HS3ST5: variants seen among roughly 807,000 people sequenced by gnomAD.
The protein encoded by HS3ST5 is heparan sulfate-glucosamine 3-sulfotransferase 5.
A neutral mutation model predicts 25.4 loss-of-function variants in HS3ST5; 10 were observed. The ratio of observed to expected loss-of-function variants is 0.39; its 90% CI spans 0.24 to 0.67. The LOEUF (loss-of-function observed/expected upper bound fraction) is 0.67. HS3ST5 is among the 30% of genes least tolerant of loss of function. The pLI, the probability that HS3ST5 is intolerant of heterozygous loss-of-function variation, is 0.44. For synonymous variants in HS3ST5, 170 were observed against 162.4 expected (o/e 1.05, Z -0.36); for missense variants, 324 against 420.7 (o/e 0.77, Z 2.01).
intron 1 of HS3ST5, among the ~76,000 whole-genome samples, chr6:114,298,648 C>T (rs1025663161): frequency 2.6e-5 from 4 of 152,290 alleles, no homozygotes; most frequent in South Asian, 2.1e-4. Context: ...GCAGGGACCC[C>T]GAATGGGGGG....
intron 3 of HS3ST5, among the ~76,000 whole-genome samples, chr6:114,115,632 A>T (rs866718313): frequency 1.4e-4 from 21 of 152,234 alleles, no homozygotes; most frequent in African/African-American, 5.1e-4. Context: ...ACTTGCTGTG[A>T]TCCTTCCCCA....
At chr6:114,258,679 A>T (rs1186020039) in intron 1 of HS3ST5, among the ~76,000 whole-genome samples, 1 of 151,910 alleles carries the variant, frequency 6.6e-6, no homozygotes, top group Non-Finnish European at 1.5e-5. Flanking sequence ...CCTGCTCTTG[A>T]TCTTTGCCTC....
At chr6:114,181,008 T>C (rs1251976882) in intron 2 of HS3ST5, among the ~76,000 whole-genome samples, 2 of 152,226 alleles carry the variant, frequency 1.3e-5, no homozygotes, top group Non-Finnish European at 2.9e-5. Context: ...TTGACCTCAG[T>C]AATTTAGAGA....
chr6:114,084,278 GA>G, intron 3 of HS3ST5: 1 of 819,900 alleles, frequency 1.2e-6, no homozygotes. Flanking sequence ...GGGAACTGCT[GA>G]ATAGTCACAG....
At chr6:114,220,053 C>T (rs1781960013) in intron 2 of HS3ST5, among the ~76,000 whole-genome samples, 1 of 151,936 alleles carries the variant, frequency 6.6e-6, no homozygotes, top group South Asian at 2.1e-4. Flanking sequence ...TAAAGTTATA[C>T]ATATTTTTAA....
At chr6:114,062,094 C>T (rs1269610810) in intron 4 of HS3ST5, among the ~76,000 whole-genome samples, 1 of 152,140 alleles carries the variant, frequency 6.6e-6, no homozygotes, top group African/African-American at 2.4e-5. Context: ...TCTGCAAGTC[C>T]AATACCTCTC....
In HS3ST5 at chr6:114,170,729, T is replaced by C. The variant is rs188617605; in HGVS notation, c.-144-2267A>G. 5.2e-3 allele frequency among the ~76,000 whole-genome samples: 794 copies of C among 152,286 alleles called. 5 individuals are homozygous for C. The highest frequency in any genetic ancestry group is 9.7e-3 in the Non-Finnish European group (659 of 68,014). ...TAGAGGAAAGAACTCATTAGAAATG[T>C]GGTACAAGTGGTTTCAGGATGATAA... On this transcript the variant is annotated intron_variant, in intron 2 of 4. Transcript: ENST00000312719.
At position 114,177,423 on chromosome 6, in the gene HS3ST5, G is replaced by A. The variant is rs1364409062; in HGVS notation, c.-144-8961C>T. Among the ~76,000 whole-genome samples the A allele has an allele frequency of 2.6e-5, 4 of 152,234 alleles. No individual in the cohort carries two copies. In the East Asian group the frequency reaches 5.8e-4, roughly 22 times the overall value. On this transcript the variant is annotated intron_variant, in intron 2 of 4. Transcript: ENST00000312719. ...TTAAGTGTGTATGTAATCAAGTGGC[G>A]CTCAAATGGATCAACCACCCTGCTT...
intron 1 of HS3ST5, among the ~76,000 whole-genome samples, chr6:114,260,212 A>T (rs1476610035): frequency 6.6e-6 from 1 of 152,172 alleles, no homozygotes; most frequent in Non-Finnish European, 1.5e-5. Flanking sequence ...ATCTTATATC[A>T]TCTATTCTAA....
intron 1 of HS3ST5, among the ~76,000 whole-genome samples, chr6:114,273,705 T>C (rs907665799): frequency 6.6e-6 from 1 of 151,964 alleles, no homozygotes; most frequent in Non-Finnish European, 1.5e-5. Flanking sequence ...CAAATGCCAA[T>C]AGGTCAAATT....
chr6:114,154,109 A>C (rs1358956643), intron 3 of HS3ST5, among the ~76,000 whole-genome samples: 1 of 152,170 alleles, frequency 6.6e-6, no homozygotes, highest in African/African-American at 2.4e-5. Flanking sequence ...TTGGGACTGC[A>C]GTCTATTAAC....
chr6:114,301,704 T>C (rs928686898), intron 1 of HS3ST5, among the ~76,000 whole-genome samples: 11 of 152,112 alleles, frequency 7.2e-5, no homozygotes, highest in African/African-American at 2.7e-4. Context: ...ACACTCTCCT[T>C]AGCTCTCATC....
intron 2 of HS3ST5, among the ~76,000 whole-genome samples, chr6:114,188,107 C>T (rs1780313077): frequency 6.6e-6 from 1 of 152,092 alleles, no homozygotes; most frequent in Admixed American, 6.6e-5. Flanking sequence ...TGCAACAGAA[C>T]CTGCAATATC....
intron 3 of HS3ST5, among the ~76,000 whole-genome samples, chr6:114,147,823 C>T (rs1172390021): frequency 6.6e-6 from 1 of 152,148 alleles, no homozygotes; most frequent in Non-Finnish European, 1.5e-5. Context: ...TCAAGTGATT[C>T]TCCCACCTTG....
At chr6:114,307,534 A>G (rs1405991716) in intron 1 of HS3ST5, among the ~76,000 whole-genome samples, 2 of 152,102 alleles carry the variant, frequency 1.3e-5, no homozygotes, top group African/African-American at 4.8e-5. Context: ...GTCTAAAATA[A>G]GTTTCTGGAG....
chr6:114,145,504 G>A (rs1026184536), intron 3 of HS3ST5, among the ~76,000 whole-genome samples: 1 of 152,156 alleles, frequency 6.6e-6, no homozygotes, highest in African/African-American at 2.4e-5. Flanking sequence ...AGGAATGACA[G>A]GAATGTTCAC....
At chr6:114,129,241 C>T (rs960051768) in intron 3 of HS3ST5, among the ~76,000 whole-genome samples, 3 of 144,596 alleles carry the variant, frequency 2.1e-5, no homozygotes, top group Non-Finnish European at 4.5e-5. Flanking sequence ...CACACACCTG[C>T]AACAAGAACC....
At chr6:114,331,717 G>A (rs1431489292) in intron 1 of HS3ST5, among the ~76,000 whole-genome samples, 1 of 152,038 alleles carries the variant, frequency 6.6e-6, no homozygotes, top group African/African-American at 2.4e-5. Flanking sequence ...GCTTCCAAAT[G>A]TTTGCCATTA....
intron 3 of HS3ST5, among the ~76,000 whole-genome samples, chr6:114,103,703 CTTTTTT>C (rs34593869): frequency 7.8e-6 from 1 of 128,776 alleles, no homozygotes; most frequent in African/African-American, 2.9e-5. Context: ...TTTTCTTCTT[CTTTTTT>C]TTTTTTTTTT....
Sources: gnomAD v4.1 joint callset for allele counts (sites outside exome capture counted in the v4.1 genomes callset) on GRCh38, gnomAD v4.1.1 for gene constraint, MANE v1.5 for transcripts, NCBI Gene and HGNC (gene_info 2026-07-23, HGNC 2026-07-21) for gene names.